SLC8A1: variants seen among roughly 807,000 people sequenced by gnomAD.
SLC8A1 encodes solute carrier family 8 member A1.
A neutral mutation model predicts 68.3 loss-of-function variants in SLC8A1; 18 were observed. That is an observed-to-expected ratio of 0.26 (90% CI 0.18 to 0.39). The LOEUF (loss-of-function observed/expected upper bound fraction) is 0.39. Among genes scored for constraint, SLC8A1 ranks in the 10% least tolerant of loss-of-function variants. The pLI is 1.00. For missense variants in SLC8A1, 985 were observed against 1,156.7 expected (o/e 0.85, Z 2.15); for synonymous variants, 475 against 415.5 (o/e 1.14, Z -1.74).
chr2:40,386,822 C>T (rs1195432296), intron 2 of SLC8A1, among the ~76,000 whole-genome samples: 1 of 150,862 alleles, frequency 6.6e-6, no homozygotes, highest in Non-Finnish European at 1.5e-5. Flanking sequence ...GTGAGTTTTG[C>T]CCCTTGACAT....
At chr2:40,252,638 G>T (rs72794786) in intron 2 of SLC8A1, among the ~76,000 whole-genome samples, 1 of 151,976 alleles carries the variant, frequency 6.6e-6, no homozygotes, top group Non-Finnish European at 1.5e-5. Flanking sequence ...AATCACGCCC[G>T]GCCAAGATAG....
intron 2 of SLC8A1, among the ~76,000 whole-genome samples, chr2:40,250,001 G>C (rs116522925): frequency 6.6e-6 from 1 of 152,090 alleles, no homozygotes; most frequent in Non-Finnish European, 1.5e-5. Flanking sequence ...AAAACCTTCC[G>C]GGTGTATGTA....
intron 7 of SLC8A1, among the ~76,000 whole-genome samples, chr2:40,138,882 C>CT (rs1491324152): frequency 1.3e-5 from 2 of 152,126 alleles, no homozygotes; most frequent in African/African-American, 4.8e-5. Flanking sequence ...GTCAGGATTA[C>CT]TTTTTTCCTG....
chr2:40,199,895 C>T (rs1272753043), intron 2 of SLC8A1, among the ~76,000 whole-genome samples: 1 of 151,196 alleles, frequency 6.6e-6, no homozygotes, highest in Non-Finnish European at 1.5e-5. Context: ...CTCTCTTCCC[C>T]CAATTCATTC....
chr2:40,245,538 C>T (rs2061754078), intron 2 of SLC8A1, among the ~76,000 whole-genome samples: 1 of 152,232 alleles, frequency 6.6e-6, no homozygotes, highest in Admixed American at 6.5e-5. Flanking sequence ...TGACTCTGTG[C>T]TGTATGTACC....
At chr2:40,222,107 T>A (rs1332451038) in intron 2 of SLC8A1, among the ~76,000 whole-genome samples, 1 of 152,158 alleles carries the variant, frequency 6.6e-6, no homozygotes. Flanking sequence ...TCACACTACC[T>A]GATTTCAAAC....
At chr2:40,263,013 C>A (rs2064906586) in intron 2 of SLC8A1, among the ~76,000 whole-genome samples, 2 of 152,242 alleles carry the variant, frequency 1.3e-5, no homozygotes, top group Non-Finnish European at 2.9e-5. Flanking sequence ...ATTGAAATAA[C>A]TTCATGACAT....
intron 4 of SLC8A1, among the ~76,000 whole-genome samples, chr2:40,166,016 G>A (rs890174774): frequency 4.6e-5 from 7 of 152,224 alleles, no homozygotes; most frequent in African/African-American, 1.7e-4. Flanking sequence ...CCTCAGCCCT[G>A]ATGGCCTCAT....
exon 8 of SLC8A1, chr2:40,100,490 C>G (rs2033830356): frequency 6.6e-6 from 1 of 152,106 alleles, no homozygotes; most frequent in Admixed American, 6.6e-5. Context: ...CAGTCTGATC[C>G]AGCTCCTTCC....
chr2:40,287,858 T>G (rs777226418), intron 2 of SLC8A1, among the ~76,000 whole-genome samples: 1 of 152,072 alleles, frequency 6.6e-6, no homozygotes, highest in Non-Finnish European at 1.5e-5. Context: ...CACAACACCC[T>G]GCCTCACCAA....
At chr2:40,251,217 A>C (rs2062695892) in intron 2 of SLC8A1, 4 of 152,236 alleles carry the variant, frequency 2.6e-5, no homozygotes, top group Non-Finnish European at 4.4e-5. Flanking sequence ...TGAGGTAGAT[A>C]AGCTTCAGAC....
intron 1 of SLC8A1, among the ~76,000 whole-genome samples, chr2:40,467,583 A>G (rs1448253786): frequency 6.6e-6 from 1 of 152,072 alleles, no homozygotes; most frequent in Non-Finnish European, 1.5e-5. Context: ...TGTTCCTTTT[A>G]GAGACAATTT....
At chr2:40,348,044 G>A (rs1050207314) in intron 2 of SLC8A1, among the ~76,000 whole-genome samples, 3 of 152,166 alleles carry the variant, frequency 2.0e-5, no homozygotes, top group African/African-American at 7.2e-5. Context: ...CTGAAGGAAG[G>A]AGGTCAGTAA....
intron 2 of SLC8A1, among the ~76,000 whole-genome samples, chr2:40,228,574 T>G (rs79843447): frequency 2.4e-4 from 37 of 152,288 alleles, no homozygotes; most frequent in African/African-American, 8.4e-4. Context: ...TGTGTTGGCA[T>G]CACTGAACTT....
intron 7 of SLC8A1, among the ~76,000 whole-genome samples, chr2:40,134,926 A>C (rs1305262068): frequency 6.6e-6 from 1 of 152,250 alleles, no homozygotes; most frequent in Non-Finnish European, 1.5e-5. Flanking sequence ...ATAGAGTGAA[A>C]TAATACATAA....
intron 2 of SLC8A1, among the ~76,000 whole-genome samples, chr2:40,326,855 A>G (rs750854544): frequency 6.6e-6 from 1 of 152,192 alleles, no homozygotes; most frequent in Non-Finnish European, 1.5e-5. Flanking sequence ...TTTAAAGATG[A>G]TTGTGTGGAA....
intron 2 of SLC8A1, among the ~76,000 whole-genome samples, chr2:40,407,052 T>C (rs1022578741): frequency 1.3e-5 from 2 of 152,096 alleles, no homozygotes; most frequent in Admixed American, 1.3e-4. Context: ...GATCTTAGTA[T>C]GTCACTCAGC....
intron 2 of SLC8A1, among the ~76,000 whole-genome samples, chr2:40,355,297 C>T (rs1192361082): frequency 6.6e-6 from 1 of 152,164 alleles, no homozygotes; most frequent in Non-Finnish European, 1.5e-5. Context: ...GCATGATATT[C>T]TCAGTCACAA....
chr2:40,151,490 G>A (rs1198814216), intron 6 of SLC8A1, among the ~76,000 whole-genome samples: 5 of 152,118 alleles, frequency 3.3e-5, no homozygotes, highest in Non-Finnish European at 5.9e-5. Flanking sequence ...GCAGATTTGC[G>A]GTTGTTGTTG....
Sources: allele counts gnomAD v4.1 joint callset (sites outside exome capture counted in the v4.1 genomes callset), GRCh38; gene constraint gnomAD v4.1.1; transcripts MANE v1.5; gene names NCBI Gene and HGNC (gene_info 2026-07-23, HGNC 2026-07-21).